PGPEP1L: variants seen among roughly 807,000 people sequenced by gnomAD.
PGPEP1L encodes the protein pyroglutamyl-peptidase 1-like protein.
Under a neutral mutation model 6.0 loss-of-function variants are expected in PGPEP1L, and 7 were observed. That is an observed-to-expected ratio of 1.17 (90% CI 0.66 to 2.19). The LOEUF is 2.19. Among genes scored for constraint, PGPEP1L ranks in the 30% most tolerant of loss-of-function variants. The pLI is 0.00. For synonymous variants in PGPEP1L, 103 were observed against 83.9 expected, an observed-to-expected ratio of 1.23 and a Z score of -1.24; for missense variants, 209 against 192.5, an observed-to-expected ratio of 1.09 and a Z score of -0.51.
In PGPEP1L at chr15:98,969,586, G is replaced by C. The variant is rs1555469977; in HGVS notation, c.48C>G (p.Asn16Lys). The change falls in exon 4 of 5, where the codon AAC becomes AAG. Residue 16 changes from asparagine to lysine, a missense_variant. Transcript: ENST00000535714. ...KAIILEQSGK[N>K]QGYRDADIRS... is the part of the protein sequence containing the mutation. ...GGATGTCGGCGTCCCGGTAGCCTTG[G>C]TTCTTGCCAGACTGTTCCAGAATGA... The C allele has an allele frequency of 1.2e-6, 2 of 1,613,790 alleles. No homozygotes were observed. Among genetic ancestry groups the C allele is most frequent in the Non-Finnish European group, 1.7e-6 (2 of 1,179,904 alleles).
chr15:98,991,134 G>T (rs950369519), intron 2 of PGPEP1L, among the ~76,000 whole-genome samples: 1 of 151,428 alleles, frequency 6.6e-6, no homozygotes, highest in Non-Finnish European at 1.5e-5. Context: ...GGAGATAGAG[G>T]CATGAAAAAC....
intron 2 of PGPEP1L, among the ~76,000 whole-genome samples, chr15:98,976,882 G>A (rs1161473478): frequency 2.0e-5 from 3 of 152,122 alleles, no homozygotes; most frequent in African/African-American, 7.2e-5. Flanking sequence ...AAGTTAACAA[G>A]AGGAGAAACA....
intron 1 of PGPEP1L, among the ~76,000 whole-genome samples, chr15:99,007,152 AG>A (rs1452225613): frequency 6.6e-6 from 1 of 152,236 alleles, no homozygotes; most frequent in Non-Finnish European, 1.5e-5. Flanking sequence ...CACTGCCAAC[AG>A]GTGGGAAGCG....
intron 2 of PGPEP1L, among the ~76,000 whole-genome samples, chr15:98,992,842 G>A (rs1297658269): frequency 6.6e-6 from 1 of 152,126 alleles, no homozygotes; most frequent in East Asian, 1.9e-4. Flanking sequence ...AACAAGCAAT[G>A]GGGAAAGGAT....
intron 2 of PGPEP1L, among the ~76,000 whole-genome samples, chr15:99,005,068 C>G (rs1336589899): frequency 6.6e-6 from 1 of 152,156 alleles, no homozygotes; most frequent in East Asian, 1.9e-4. Context: ...GCCTGCACCC[C>G]CAAGGGATAC....
intron 2 of PGPEP1L, 114 bp downstream of exon 2, chr15:99,005,315 C>T (rs2018035611): frequency 6.6e-6 from 1 of 152,336 alleles, no homozygotes; most frequent in African/African-American, 2.4e-5. Flanking sequence ...CACCAGTTGC[C>T]ATTCTTTTTT....
At chr15:98,970,493 T>C (rs1297929222) in intron 3 of PGPEP1L, among the ~76,000 whole-genome samples, 2 of 148,490 alleles carry the variant, frequency 1.3e-5, no homozygotes, top group Non-Finnish European at 3.0e-5. Flanking sequence ...ATTGTCTGAA[T>C]GGCTTGATAG....
chr15:98,997,096 G>C (rs1349704541), intron 2 of PGPEP1L, among the ~76,000 whole-genome samples: 1 of 152,116 alleles, frequency 6.6e-6, no homozygotes, highest in Non-Finnish European at 1.5e-5. Flanking sequence ...GAAGGGTTCA[G>C]GATCATCGAG....
chr15:98,981,209 C>A (rs2017653519), intron 2 of PGPEP1L, among the ~76,000 whole-genome samples: 1 of 151,804 alleles, frequency 6.6e-6, no homozygotes, highest in Admixed American at 6.6e-5. Flanking sequence ...CTAGGAAAGT[C>A]TGGCCGGGCG....
intron 2 of PGPEP1L, among the ~76,000 whole-genome samples, chr15:98,991,639 GACAA>G (rs1368699722): frequency 6.6e-6 from 1 of 152,108 alleles, no homozygotes; most frequent in African/African-American, 2.4e-5. Context: ...AAACCTGGCA[GACAA>G]ACAACAAAAA....
At position 99,005,262 on chromosome 15, in the gene PGPEP1L, A is replaced by G. The variant is rs1311470262; in HGVS notation, c.-142+167T>C. On this transcript the variant is annotated intron_variant, in intron 2 of 4. Coordinates refer to ENST00000535714, the MANE Select transcript of PGPEP1L (RefSeq NM_001167902.2). ...CCTGTGATCCTGATTGTTTATTAATAGGGCACAGCAGCAAGTTCGTTTCCA... is the reference window on the plus strand; with the variant it reads ...CCTGTGATCCTGATTGTTTATTAATGGGGCACAGCAGCAAGTTCGTTTCCA... 1.6e-4 allele frequency among the ~76,000 whole-genome samples: 24 copies of G among 152,374 alleles called. 1 individual carries two copies. The highest frequency in any genetic ancestry group is 5.8e-4 in the East Asian group (3 of 5,180).
chr15:98,971,073 C>T lies in PGPEP1L; in HGVS notation c.-56G>A, dbSNP rs760276179. 66 of 1,613,684 alleles carry T rather than the reference C, an allele frequency of 4.1e-5. No homozygotes were observed. Among genetic ancestry groups the T allele is most frequent in the Non-Finnish European group, 5.2e-5 (61 of 1,179,820 alleles). ...ATCTTCCCAGATTCCGGTGACCCTC[C>T]GCTTAGCCTCCCTGTAATCTACAGG... On this transcript the variant is annotated 5_prime_UTR_variant, in exon 3 of 5. Transcript: ENST00000535714.
intron 2 of PGPEP1L, among the ~76,000 whole-genome samples, chr15:99,002,442 CTTGA>C (rs1360728193): frequency 6.6e-5 from 10 of 152,122 alleles, no homozygotes; most frequent in Admixed American, 3.9e-4. Context: ...TGCTAGGTAT[CTTGA>C]TTGTGGTGGT....
At chr15:98,974,662 C>G (rs1044499142) in intron 2 of PGPEP1L, among the ~76,000 whole-genome samples, 1 of 152,158 alleles carries the variant, frequency 6.6e-6, no homozygotes, top group Non-Finnish European at 1.5e-5. Flanking sequence ...TTTGGGAGGC[C>G]AAGGCGGGTG....
At position 98,981,021 on chromosome 15, in the gene PGPEP1L, G is replaced by C. The variant is rs116622281; in HGVS notation, c.-141-9863C>G. On this transcript the variant is annotated intron_variant, in intron 2 of 4. Coordinates refer to ENST00000535714, the MANE Select transcript of PGPEP1L (RefSeq NM_001167902.2). ...AGTAAGATCAAGGTCATCATGGACAGTGCTGTCACACTGATACTGTGTGCC... is the reference window on the plus strand; with the variant it reads ...AGTAAGATCAAGGTCATCATGGACACTGCTGTCACACTGATACTGTGTGCC... Among the ~76,000 whole-genome samples the C allele has an allele frequency of 2.9e-3, 439 of 152,202 alleles. 7 individuals carry two copies. Among genetic ancestry groups the C allele is most frequent in the African/African-American group, 9.1e-3 (378 of 41,536 alleles).
At chr15:99,002,261 G>T (rs1056354676) in intron 2 of PGPEP1L, among the ~76,000 whole-genome samples, 15 of 152,124 alleles carry the variant, frequency 9.9e-5, no homozygotes, top group African/African-American at 3.4e-4. Flanking sequence ...CTCCCAAAGT[G>T]CTGGGATTAC....
intron 2 of PGPEP1L, among the ~76,000 whole-genome samples, chr15:99,000,134 G>A (rs942324470): frequency 3.3e-5 from 5 of 152,248 alleles, no homozygotes; most frequent in African/African-American, 9.6e-5. Context: ...CGCGGGCCCC[G>A]CACTGGGAGT....
At chr15:99,006,432 T>A (rs1374906960) in intron 1 of PGPEP1L, among the ~76,000 whole-genome samples, 1 of 152,372 alleles carries the variant, frequency 6.6e-6, no homozygotes, top group East Asian at 1.9e-4. Context: ...CTCTTTTTAA[T>A]GTGTCAGAAT....
Position 98,993,266 on chromosome 15 carries a change from A to G in PGPEP1L, c.-142+12163T>C, listed in dbSNP as rs531128079. ...AACTTAAATTTACAAGAAAAAAACAACCCCATCAAAAAGTGGGTGAAGGAT... is the reference window on the plus strand; with the variant it reads ...AACTTAAATTTACAAGAAAAAAACAGCCCCATCAAAAAGTGGGTGAAGGAT... On this transcript the variant is annotated intron_variant, in intron 2 of 4. Coordinates refer to ENST00000535714, the MANE Select transcript of PGPEP1L (RefSeq NM_001167902.2). 8.5e-5 allele frequency among the ~76,000 whole-genome samples: 13 copies of G among 152,288 alleles called. No individual in the cohort carries two copies. The South Asian group carries it at 2.5e-3, about 29-fold the overall frequency.
Sources: allele counts gnomAD v4.1 joint callset (sites outside exome capture counted in the v4.1 genomes callset), GRCh38; gene constraint gnomAD v4.1.1; transcripts MANE v1.5; gene names NCBI Gene and HGNC (gene_info 2026-07-23, HGNC 2026-07-21).